DYNC2LI1: variants seen among roughly 807,000 people sequenced by gnomAD.
DYNC2LI1 encodes dynein cytoplasmic 2 light intermediate chain 1, also known as cytoplasmic dynein 2 light intermediate chain 1.
Under a neutral mutation model 51.9 loss-of-function variants are expected in DYNC2LI1, and 45 were observed. The observed-to-expected ratio is 0.87, with a 90% CI of 0.68 to 1.11. The LOEUF is 1.11. Ranked by LOEUF, DYNC2LI1 falls within the 50% of genes most tolerant of loss-of-function variation. The pLI, the probability that DYNC2LI1 is intolerant of heterozygous loss-of-function variation, is 0.00. For synonymous variants in DYNC2LI1, 130 were observed against 137.8 expected (o/e 0.94, Z 0.40); for missense variants, 490 against 417.4 (o/e 1.17, Z -1.51).
At chr2:43,826,569 C>T in the DYNC2LI1 span, 1 of 1,613,660 alleles carries the variant, frequency 6.2e-7, no homozygotes, top group South Asian at 1.1e-5. Flanking sequence ...AGAGCCCAGG[C>T]TCTGTGCTTA....
chr2:43,820,049 A>G, the DYNC2LI1 span: 1 of 1,614,176 alleles, frequency 6.2e-7, no homozygotes, highest in Non-Finnish European at 8.5e-7. Flanking sequence ...GGGCCAAGAG[A>G]GCAGCAGAAA....
chr2:43,787,515 G>T (rs111467474), intron 4 of DYNC2LI1, among the ~76,000 whole-genome samples: 1 of 152,132 alleles, frequency 6.6e-6, no homozygotes, highest in African/African-American at 2.4e-5. Flanking sequence ...CATGAGAATA[G>T]TGTTGTGAGT....
At chr2:43,812,460 G>C (rs1244053871), downstream of DYNC2LI1, 2 of 151,836 alleles carry the variant, frequency 1.3e-5, no homozygotes, top group Non-Finnish European at 2.9e-5. Flanking sequence ...AGGTTTGTCT[G>C]GTGTGCTTTG....
intron 5 of DYNC2LI1, chr2:43,792,653 A>G: frequency 6.5e-7 from 1 of 1,533,488 alleles, no homozygotes. Context: ...TTAAACAATA[A>G]CTCCTTGTTT....
chr2:43,811,480 T>C (rs996358912), downstream of DYNC2LI1, among the ~76,000 whole-genome samples: 17 of 152,200 alleles, frequency 1.1e-4, no homozygotes, highest in African/African-American at 3.6e-4. Context: ...GTTCATGCGC[T>C]CTCTACCATA....
chr2:43,813,709 G>GGTTTTTTTTTTTTTTTT (rs1666623066), downstream of DYNC2LI1, among the ~76,000 whole-genome samples: 1 of 34,070 alleles, frequency 2.9e-5, no homozygotes, highest in Non-Finnish European at 5.4e-5. Context: ...TTTTTTTTTC[G>GGTTTTTTTTTTTTTTTT]TTTTTTTTTT....
intron 5 of DYNC2LI1, 151 bp downstream of exon 5, chr2:43,789,872 T>C: frequency 1.7e-6 from 1 of 584,940 alleles, no homozygotes; most frequent in Non-Finnish European, 2.8e-6. Flanking sequence ...TAACCTGTAA[T>C]GCTTTCAAAG....
chr2:43,797,981 G>A (rs1665940928), intron 8 of DYNC2LI1, among the ~76,000 whole-genome samples: 1 of 151,938 alleles, frequency 6.6e-6, no homozygotes, highest in African/African-American at 2.4e-5. Flanking sequence ...TTAAAAATTA[G>A]CTGGCCATGG....
At chr2:43,824,202 A>G in the DYNC2LI1 span, 67 of 1,614,156 alleles carry the variant, frequency 4.2e-5, no homozygotes, top group African/African-American at 8.0e-4. Context: ...CATTTCTCAC[A>G]TTTGTGAGCC....
chr2:43,828,325 T>C, the DYNC2LI1 span: 7 of 684,012 alleles, frequency 1.0e-5, no homozygotes, highest in African/African-American at 1.8e-5. Flanking sequence ...TTTAAATAAA[T>C]AATATGAATT....
chr2:43,805,689 G>A (rs1162984025), intron 12 of DYNC2LI1: 2 of 152,582 alleles, frequency 1.3e-5, no homozygotes, highest in African/African-American at 4.8e-5. Flanking sequence ...CCCAGTTAAG[G>A]ACTGAAAGCA....
chr2:43,818,525 T>G, the DYNC2LI1 span, among the ~76,000 whole-genome samples: 3 of 152,208 alleles, frequency 2.0e-5, no homozygotes, highest in East Asian at 5.8e-4. Flanking sequence ...GGGGATCATC[T>G]GTACATGAAA....
the DYNC2LI1 span, among the ~76,000 whole-genome samples, chr2:43,816,932 A>T: frequency 6.6e-6 from 1 of 152,220 alleles, no homozygotes; most frequent in Admixed American, 6.5e-5. Flanking sequence ...TTGTAAGCAG[A>T]AAACACAGCA....
At chr2:43,787,776 T>TG (rs747782366) in intron 4 of DYNC2LI1, among the ~76,000 whole-genome samples, 1 of 151,904 alleles carries the variant, frequency 6.6e-6, no homozygotes, top group Non-Finnish European at 1.5e-5. Context: ...GGGGGTGGGG[T>TG]GGGGAATTCC....
the DYNC2LI1 span, among the ~76,000 whole-genome samples, chr2:43,827,153 T>C: frequency 1.3e-5 from 2 of 152,020 alleles, no homozygotes; most frequent in Non-Finnish European, 2.9e-5. Flanking sequence ...GGTGAAACCC[T>C]GTCTCTACTA....
At chr2:43,826,224 T>A in the DYNC2LI1 span, among the ~76,000 whole-genome samples, 1 of 151,286 alleles carries the variant, frequency 6.6e-6, no homozygotes, top group Admixed American at 6.6e-5. Context: ...GGACTCAAAC[T>A]CCTGGCCTCA....
At chr2:43,792,694 C>T in intron 5 of DYNC2LI1, 1 of 1,547,866 alleles carries the variant, frequency 6.5e-7, no homozygotes, top group East Asian at 2.5e-5. Flanking sequence ...AACTATCATC[C>T]CTACTGCCTG....
the DYNC2LI1 span, chr2:43,819,934 C>T: frequency 6.2e-7 from 1 of 1,614,170 alleles, no homozygotes; most frequent in Non-Finnish European, 8.5e-7. Context: ...CCAGATCCAA[C>T]AAGCACCCCC....
At chr2:43,812,084 T>A (rs1017409612), downstream of DYNC2LI1, among the ~76,000 whole-genome samples, 1 of 151,318 alleles carries the variant, frequency 6.6e-6, no homozygotes, top group African/African-American at 2.4e-5. Flanking sequence ...TTGCTCTGTC[T>A]CTGTTGCCCA....
Sources: allele counts gnomAD v4.1 joint callset (sites outside exome capture counted in the v4.1 genomes callset), GRCh38; gene constraint gnomAD v4.1.1; transcripts MANE v1.5; gene names NCBI Gene and HGNC (gene_info 2026-07-23, HGNC 2026-07-21).